Variants in LRCH3 observed in about 807,000 individuals in gnomAD.
LRCH3 encodes leucine rich repeats and calponin homology domain containing 3, also known as DISP complex protein LRCH3.
LRCH3 carries 68 observed loss-of-function variants against 104.5 expected under a neutral mutation model. The observed-to-expected ratio is 0.65, with a 90% CI of 0.54 to 0.80. The LOEUF (loss-of-function observed/expected upper bound fraction) is 0.80. Among genes scored for constraint, LRCH3 ranks in the 30% least tolerant of loss-of-function variants. The pLI is 0.00. For missense variants in LRCH3, 951 were observed against 953.9 expected, an observed-to-expected ratio of 1.00 and a Z score of 0.04; for synonymous variants, 344 against 361.3, an observed-to-expected ratio of 0.95 and a Z score of 0.54.
intron 10 of LRCH3, among the ~76,000 whole-genome samples, chr3:197,840,955 C>T (rs1247316142): frequency 6.6e-6 from 1 of 152,178 alleles, no homozygotes; most frequent in Non-Finnish European, 1.5e-5. Context: ...GTCCTGCATC[C>T]ATCATAGGTG....
At chr3:197,882,154 G>C (rs907403356) in intron 20 of LRCH3, 1 of 985,304 alleles carries the variant, frequency 1.0e-6, no homozygotes, top group Non-Finnish European at 1.2e-6. Flanking sequence ...CCAGCTGGGA[G>C]GTGAGGGTGC....
intron 4 of LRCH3, among the ~76,000 whole-genome samples, chr3:197,820,978 G>A (rs1414954001): frequency 8.7e-6 from 1 of 114,390 alleles, no homozygotes; most frequent in South Asian, 3.6e-4. Context: ...GAAAAGGTTT[G>A]ATAACTCTTG....
At chr3:197,860,471 G>T (rs1372019285) in intron 15 of LRCH3, among the ~76,000 whole-genome samples, 1 of 152,146 alleles carries the variant, frequency 6.6e-6, no homozygotes, top group Non-Finnish European at 1.5e-5. Flanking sequence ...GGTAGCCCGA[G>T]GGGGAATACA....
intron 14 of LRCH3, among the ~76,000 whole-genome samples, chr3:197,858,587 C>T (rs1409439018): frequency 1.3e-5 from 2 of 152,026 alleles, no homozygotes; most frequent in Admixed American, 6.6e-5. Context: ...GAAATCATGC[C>T]TCTCATTTCT....
intron 17 of LRCH3, among the ~76,000 whole-genome samples, chr3:197,867,451 A>C (rs9833220): frequency 0.048 from 7,227 of 151,770 alleles, 607 homozygotes; most frequent in African/African-American, 0.17. Flanking sequence ...GCGTGGTGGC[A>C]CGTGCCTGTA....
chr3:197,846,558 C>CA (rs1042627496), intron 10 of LRCH3, among the ~76,000 whole-genome samples: 6 of 144,492 alleles, frequency 4.2e-5, no homozygotes, highest in South Asian at 2.2e-4. Context: ...AAAAAAAAAA[C>CA]AAAAAAAACA....
intron 1 of LRCH3, among the ~76,000 whole-genome samples, chr3:197,797,872 AACAAAAAAAAC>A (rs1393665624): frequency 2.3e-4 from 3 of 13,196 alleles, no homozygotes; most frequent in Non-Finnish European, 9.9e-4. Flanking sequence ...AAAAAAAAAA[AACAAAAAAAAC>A]AAAAAAAAAA....
chr3:197,844,616 G>GT (rs1360616918), intron 10 of LRCH3, among the ~76,000 whole-genome samples: 2 of 141,956 alleles, frequency 1.4e-5, no homozygotes, highest in African/African-American at 2.5e-5. Flanking sequence ...CTGCTCATAG[G>GT]TTTTTTGTTT....
intron 4 of LRCH3, chr3:197,822,831 A>G (rs1271368125): frequency 6.8e-6 from 1 of 147,936 alleles, no homozygotes; most frequent in East Asian, 2.0e-4. Context: ...TTTTCTTGAG[A>G]CGGAGTCTCA....
chr3:197,843,334 T>C (rs961230722), intron 10 of LRCH3, among the ~76,000 whole-genome samples: 21 of 152,156 alleles, frequency 1.4e-4, no homozygotes, highest in African/African-American at 5.1e-4. Flanking sequence ...CAGTTTAGTC[T>C]GCCTTATACT....
At position 197,858,843 on chromosome 3, in the gene LRCH3, G is replaced by A. The variant is rs771692788; in HGVS notation, c.1654G>A (p.Gly552Arg). 1.3e-5 allele frequency: 21 copies of A among 1,613,500 alleles called. No individual in the cohort carries two copies. In the Admixed American group the frequency reaches 1.7e-4, roughly 13 times the overall value. The change falls in exon 15 of 21, where the codon GGG (glycine) becomes AGG (arginine). Residue 552 changes from glycine to arginine, a missense_variant. Transcript: ENST00000425562. ...DDSALCMSLS[G>R]LNQVGCAATL... ...CTCATTTGAAATGTAGTCGCTGTCA[G>A]GGTTGAATCAAGTGGGCTGTGCTGC...
chr3:197,854,381 C>T lies in LRCH3; in HGVS notation c.1591-11C>T, dbSNP rs747256287. ...TTTCTGACATGGCTTCATTTTTCTCCATCTCTCCAGTGCCCCTTCCCATCC... is the reference window on the plus strand; with the variant it reads ...TTTCTGACATGGCTTCATTTTTCTCTATCTCTCCAGTGCCCCTTCCCATCC... On this transcript the variant is annotated splice_polypyrimidine_tract_variant and intron_variant, in intron 13 of 20. Coordinates refer to ENST00000425562, the MANE Select transcript of LRCH3 (RefSeq NM_001365715.1). The surrounding 1 kb of genome is among the most constrained non-coding windows in gnomAD (Gnocchi z 4.5). 5.6e-5 allele frequency: 91 copies of T among 1,613,342 alleles called. No homozygotes were observed. The highest frequency in any genetic ancestry group is 7.2e-5 in the Non-Finnish European group (85 of 1,179,354).
At chr3:197,882,517 C>CAAAAAAAA (rs1199254858) in intron 20 of LRCH3, 17 of 862,674 alleles carry the variant, frequency 2.0e-5, no homozygotes, top group African/African-American at 7.2e-5. Context: ...CAATGAAAAG[C>CAAAAAAAA]AAAACAAAAA....
chr3:197,846,297 G>A (rs74823297), intron 10 of LRCH3, among the ~76,000 whole-genome samples: 2,561 of 149,314 alleles, frequency 0.017, 97 homozygotes, highest in African/African-American at 0.06. Context: ...CCAGCTGTTC[G>A]AAAGGCTGAG....
intron 5 of LRCH3, among the ~76,000 whole-genome samples, chr3:197,829,174 T>A (rs1174220326): frequency 1.3e-5 from 2 of 152,204 alleles, no homozygotes; most frequent in Non-Finnish European, 2.9e-5. Context: ...CAAAGCAGAA[T>A]CAAAAACATA....
In LRCH3 at chr3:197,839,305, C is replaced by T; in HGVS notation, c.1252-16C>T. 1 of 1,547,668 alleles carries T rather than the reference C, an allele frequency of 6.5e-7. No homozygotes were observed. The highest frequency in any genetic ancestry group is 1.7e-4 in the Middle Eastern group (1 of 5,802). On this transcript the variant is annotated splice_polypyrimidine_tract_variant and intron_variant, in intron 9 of 20. Transcript: ENST00000425562. The stretch of plus-strand genomic sequence containing the variant: ...ATTAATATACTAAATTTATTTATTT[C>T]TGTCCTCTGGCCTAGGGTTCACCAG...
At chr3:197,871,644 G>A in intron 19 of LRCH3, 182 bp downstream of exon 19, 1 of 701,556 alleles carries the variant, frequency 1.4e-6, no homozygotes, top group Non-Finnish European at 2.3e-6. Context: ...ACTTACAGCA[G>A]TGCGATAAAT....
At chr3:197,843,713 A>G (rs1738170674) in intron 10 of LRCH3, among the ~76,000 whole-genome samples, 1 of 152,200 alleles carries the variant, frequency 6.6e-6, no homozygotes, top group Non-Finnish European at 1.5e-5. Flanking sequence ...TTATAGAGAT[A>G]AAAGTCTGGT....
intron 10 of LRCH3, among the ~76,000 whole-genome samples, chr3:197,841,987 A>G (rs1280167850): frequency 2.0e-5 from 3 of 152,056 alleles, no homozygotes; most frequent in East Asian, 1.9e-4. Flanking sequence ...CGTGTGCTAC[A>G]TACTCAGCAA....
Sources: gnomAD v4.1 joint callset for allele counts (sites outside exome capture counted in the v4.1 genomes callset) on GRCh38, gnomAD v4.1.1 for gene constraint, Gnocchi (gnomAD v3.1) non-coding constraint, MANE v1.5 for transcripts, NCBI Gene and HGNC (gene_info 2026-07-23, HGNC 2026-07-21) for gene names.